The following CALN1 variants were observed in gnomAD, a reference collection of about 807,000 sequenced individuals.
CALN1 encodes calneuron 1, also known as calcium-binding protein 8.
Under a neutral mutation model 30.6 loss-of-function variants are expected in CALN1, and 17 were observed. The ratio of observed to expected loss-of-function variants is 0.56; its 90% confidence interval spans 0.38 to 0.83. The LOEUF (loss-of-function observed/expected upper bound fraction) is 0.83. Among genes scored for constraint, CALN1 ranks in the 40% least tolerant of loss-of-function variants. The pLI, the probability that CALN1 is intolerant of heterozygous loss-of-function variation, is 0.00. For missense variants in CALN1, 291 were observed against 354.9 expected, an observed-to-expected ratio of 0.82 and a Z score of 1.45; for synonymous variants, 156 against 131.4, an observed-to-expected ratio of 1.19 and a Z score of -1.28.
chr7:72,257,618 A>ACC (rs1215094535), intron 3 of CALN1, among the ~76,000 whole-genome samples: 3 of 151,972 alleles, frequency 2.0e-5, no homozygotes, highest in Non-Finnish European at 4.4e-5. Context: ...CGGGGTTCCT[A>ACC]CCCAAAGGGA....
Position 71,967,478 on chromosome 7 carries a change from A to T in CALN1, c.501+56179T>A, listed in dbSNP as rs1329008539. Among the ~76,000 whole-genome samples the T allele has an allele frequency of 2.6e-5, 4 of 151,946 alleles. No homozygotes were observed. The East Asian group carries it at 7.7e-4, about 29-fold the overall frequency. ...CCTTGTCTCTACTAAAAATCAAACA[A>T]ATTAACTGAGCTCAGTGGTGCATGC... On this transcript the variant is annotated intron_variant, in intron 5 of 6. Transcript: ENST00000395275.
At chr7:72,067,698 G>A (rs542021515) in intron 4 of CALN1, among the ~76,000 whole-genome samples, 2 of 152,320 alleles carry the variant, frequency 1.3e-5, no homozygotes, top group South Asian at 4.1e-4. Flanking sequence ...GCTATGCTAA[G>A]GAGGAGTCCA....
In CALN1 at chr7:72,223,102, G is replaced by A. The variant is rs559807652; in HGVS notation, c.244+55584C>T. 5.3e-5 allele frequency among the ~76,000 whole-genome samples: 8 copies of A among 152,274 alleles called. No individual in the cohort carries two copies. The South Asian group carries it at 1.7e-3, about 32-fold the overall frequency. On this transcript the variant is annotated intron_variant, in intron 3 of 6. Coordinates refer to ENST00000395275, the MANE Select transcript of CALN1 (RefSeq NM_031468.4). Reference sequence around the variant, plus strand: ...GGCTCCTGTTAAAGCAGTTGGCACTGGGACACAGGCAAGGGAGTGGTGGCA... The same window carrying A: ...GGCTCCTGTTAAAGCAGTTGGCACTAGGACACAGGCAAGGGAGTGGTGGCA...
At chr7:72,366,993 C>T (rs1031528718) in intron 2 of CALN1, among the ~76,000 whole-genome samples, 1 of 152,030 alleles carries the variant, frequency 6.6e-6, no homozygotes, top group Non-Finnish European at 1.5e-5. Flanking sequence ...TATACCACAA[C>T]AATAGTGAAT....
At chr7:72,311,779 G>A (rs908350052) in intron 2 of CALN1, among the ~76,000 whole-genome samples, 1 of 150,382 alleles carries the variant, frequency 6.6e-6, no homozygotes, top group Non-Finnish European at 1.5e-5. Flanking sequence ...TTACAGGCGT[G>A]AGCCACCACC....
intron 5 of CALN1, among the ~76,000 whole-genome samples, chr7:71,835,763 A>C (rs566667335): frequency 6.6e-6 from 1 of 152,316 alleles, no homozygotes; most frequent in South Asian, 2.1e-4. Context: ...ACTGTAGAAG[A>C]AACACACCGA....
At chr7:71,790,817 T>C (rs1160099745) in intron 6 of CALN1, among the ~76,000 whole-genome samples, 1 of 152,150 alleles carries the variant, frequency 6.6e-6, no homozygotes, top group East Asian at 1.9e-4. Context: ...ACTCGGGAGT[T>C]TCTGATTCAG....
At chr7:72,136,859 C>T (rs1441063350) in intron 3 of CALN1, among the ~76,000 whole-genome samples, 2 of 152,150 alleles carry the variant, frequency 1.3e-5, no homozygotes, top group African/African-American at 4.8e-5. Context: ...TCAGAACACA[C>T]ACAACATTTA....
chr7:72,233,561 A>C (rs752420679), intron 3 of CALN1, among the ~76,000 whole-genome samples: 4 of 152,280 alleles, frequency 2.6e-5, no homozygotes, highest in South Asian at 2.1e-4. Context: ...ACAAAAAAAA[A>C]CAGAAACATT....
rs1563015556 is a variant in CALN1, at chr7:72,054,456, T to TATATATACATATATAC, written c.389-30688_389-30687insGTATATATGTATATAT. On this transcript the variant is annotated intron_variant, in intron 4 of 6. Transcript: ENST00000395275. ...ACGTATATATATATATACATATATA[T>TATATATACATATATAC]ACATATATATACATATATACATACA... 1.4e-4 allele frequency among the ~76,000 whole-genome samples: 16 copies of TATATATACATATATAC among 113,748 alleles called. 2 individuals carry two copies. The highest frequency in any genetic ancestry group is 2.1e-4 in the East Asian group (1 of 4,824). The allele number at this position is 113,748 out of a possible 152,430, so 74.6% of individuals were successfully genotyped here.
At chr7:72,085,984 C>T (rs1260743906) in intron 4 of CALN1, among the ~76,000 whole-genome samples, 1 of 151,880 alleles carries the variant, frequency 6.6e-6, no homozygotes, top group Non-Finnish European at 1.5e-5. Flanking sequence ...TAAGGAAAAT[C>T]ATCTGAAAGT....
At chr7:72,033,171 G>GA (rs1347320647) in intron 4 of CALN1, among the ~76,000 whole-genome samples, 1 of 127,852 alleles carries the variant, frequency 7.8e-6, no homozygotes, top group Non-Finnish European at 1.5e-5. Flanking sequence ...ACTGCTATGT[G>GA]AGTCAAAGTA....
At chr7:72,308,365 G>GT (rs1799796158) in intron 2 of CALN1, among the ~76,000 whole-genome samples, 1 of 58,418 alleles carries the variant, frequency 1.7e-5, no homozygotes, top group Non-Finnish European at 3.8e-5. Context: ...TGCTGTCTGT[G>GT]GGGGGGGGAG....
intron 2 of CALN1, among the ~76,000 whole-genome samples, chr7:72,399,270 CTT>C (rs5884888): frequency 1.1e-4 from 12 of 106,766 alleles, no homozygotes; most frequent in East Asian, 9.4e-4. Context: ...TAACCTATTG[CTT>C]TTTTTTTTTT....
At chr7:72,405,811 A>G (rs1806657687) in intron 1 of CALN1, among the ~76,000 whole-genome samples, 1 of 152,190 alleles carries the variant, frequency 6.6e-6, no homozygotes, top group African/African-American at 2.4e-5. Context: ...GTAAATGCAT[A>G]TTTCAAAAAG....
intron 3 of CALN1, 73 bp from the exon 4 acceptor site, chr7:72,106,367 C>G: frequency 6.3e-7 from 1 of 1,578,872 alleles, no homozygotes; most frequent in African/African-American, 1.3e-5. Flanking sequence ...TTGGTGATTG[C>G]CTACTGAGAA....
chr7:72,367,991 G>T (rs1803976271), intron 2 of CALN1, among the ~76,000 whole-genome samples: 4 of 151,728 alleles, frequency 2.6e-5, no homozygotes, highest in Admixed American at 2.6e-4. Context: ...AAATTATCTG[G>T]GCATGGTGGC....
intron 5 of CALN1, among the ~76,000 whole-genome samples, chr7:71,901,686 A>G (rs1476863690): frequency 6.6e-6 from 1 of 152,238 alleles, no homozygotes; most frequent in African/African-American, 2.4e-5. Context: ...ACCCTATTCA[A>G]TAAATGGTTC....
intron 3 of CALN1, among the ~76,000 whole-genome samples, chr7:72,209,273 CTTCCCTCTTTCCTTCCCTCCTTCCCTCT>C (rs1792169039): frequency 2.3e-5 from 3 of 132,120 alleles, no homozygotes; most frequent in Non-Finnish European, 3.2e-5. Flanking sequence ...TCCTTCCCTC[CTTCCCTCTTTCCTTCCCTCCTTCCCTCT>C]TTCCTTCCCT....
Sources: allele counts gnomAD v4.1 joint callset (sites outside exome capture counted in the v4.1 genomes callset), GRCh38; gene constraint gnomAD v4.1.1; transcripts MANE v1.5; gene names NCBI Gene and HGNC (gene_info 2026-07-23, HGNC 2026-07-21).